RGS7: variants seen among roughly 807,000 people sequenced by gnomAD.
RGS7 encodes regulator of G-protein signaling 7.
RGS7 carries 27 observed loss-of-function variants against 81.1 expected under a neutral mutation model. The ratio of observed to expected loss-of-function variants is 0.33; its 90% CI spans 0.25 to 0.46. The LOEUF is 0.46. RGS7 is among the 20% of genes least tolerant of loss of function. RGS7 has a pLI of 1.00. For missense variants in RGS7, 396 were observed against 607.4 expected, an observed-to-expected ratio of 0.65 and a Z score of 3.66; for synonymous variants, 208 against 207.7, an observed-to-expected ratio of 1.00 and a Z score of -0.01.
intron 6 of RGS7, among the ~76,000 whole-genome samples, chr1:240,894,174 C>T (rs572826332): frequency 7.2e-5 from 11 of 152,240 alleles, no homozygotes; most frequent in South Asian, 2.1e-4. Context: ...AGATAGGCTA[C>T]GTATTTATTC....
At chr1:241,199,381 G>T (rs1055316441) in intron 2 of RGS7, among the ~76,000 whole-genome samples, 1 of 151,606 alleles carries the variant, frequency 6.6e-6, no homozygotes, top group East Asian at 1.9e-4. Flanking sequence ...CTGAGATTGC[G>T]CCACTGCACT....
intron 2 of RGS7, among the ~76,000 whole-genome samples, chr1:241,239,061 C>T (rs1417256096): frequency 2.0e-5 from 3 of 150,882 alleles, no homozygotes; most frequent in Middle Eastern, 3.4e-3. Context: ...CTCCGCCTCC[C>T]GGGTTCAAGC....
intron 10 of RGS7, among the ~76,000 whole-genome samples, chr1:240,821,279 C>A (rs1691750105): frequency 6.6e-6 from 1 of 152,030 alleles, no homozygotes. Context: ...ATGGTGAAAC[C>A]CCATCTCTAC....
chr1:241,329,280 A>AT (rs1325601995), intron 2 of RGS7, among the ~76,000 whole-genome samples: 1 of 152,204 alleles, frequency 6.6e-6, no homozygotes, highest in Non-Finnish European at 1.5e-5. Flanking sequence ...AATTTTGCAT[A>AT]TTTACTTTGA....
chr1:241,247,296 C>T (rs531301559), intron 2 of RGS7, among the ~76,000 whole-genome samples: 1 of 152,266 alleles, frequency 6.6e-6, no homozygotes, highest in East Asian at 1.9e-4. Flanking sequence ...TCCTCATTTA[C>T]ACATTGTGAA....
intron 2 of RGS7, among the ~76,000 whole-genome samples, chr1:241,333,084 G>C (rs1341445): frequency 0.99 from 151,230 of 152,370 alleles, 75,061 homozygotes; most frequent in East Asian, 1. Flanking sequence ...GGGTCTTTCA[G>C]GGACAGGAAA....
intron 2 of RGS7, among the ~76,000 whole-genome samples, chr1:241,259,447 T>C (rs1208072545): frequency 2.6e-5 from 4 of 150,946 alleles, no homozygotes; most frequent in African/African-American, 9.8e-5. Context: ...CTGAGATCGG[T>C]AGTTCGAGAC....
intron 6 of RGS7, among the ~76,000 whole-genome samples, chr1:240,879,558 T>C (rs1402855155): frequency 6.6e-6 from 1 of 152,246 alleles, no homozygotes; most frequent in African/African-American, 2.4e-5. Context: ...GGTATTTCTT[T>C]TGTTTTCTAC....
At chr1:240,869,998 G>A in intron 7 of RGS7, 57 bp downstream of exon 7, 3 of 1,344,458 alleles carry the variant, frequency 2.2e-6, no homozygotes, top group Non-Finnish European at 3.2e-6. Context: ...AAAAGGCTGT[G>A]GGCCTTACTG....
chr1:240,936,478 A>C, intron 5 of RGS7, 122 bp downstream of exon 5: 1 of 744,220 alleles, frequency 1.3e-6, no homozygotes, highest in East Asian at 2.6e-5. Flanking sequence ...TCAGTTTCTA[A>C]CTAGCCTAAG....
At chr1:241,194,023 T>C (rs192417885) in intron 2 of RGS7, among the ~76,000 whole-genome samples, 41 of 152,344 alleles carry the variant, frequency 2.7e-4, no homozygotes, top group Admixed American at 1.7e-3. Context: ...AAATTGTTGA[T>C]TTTCTGCTCT....
At chr1:240,925,115 T>C (rs1021216373) in intron 6 of RGS7, among the ~76,000 whole-genome samples, 8 of 152,158 alleles carry the variant, frequency 5.3e-5, no homozygotes, top group Non-Finnish European at 1.0e-4. Context: ...TTTCTTTTTT[T>C]CAATAATAAT....
intron 6 of RGS7, among the ~76,000 whole-genome samples, chr1:240,872,746 T>C (rs1319634407): frequency 2.0e-5 from 3 of 152,178 alleles, no homozygotes; most frequent in African/African-American, 7.2e-5. Context: ...TCCCAATTCA[T>C]TGAAGACTGA....
At chr1:241,015,968 T>C (rs1288918834) in intron 3 of RGS7, among the ~76,000 whole-genome samples, 2 of 152,206 alleles carry the variant, frequency 1.3e-5, no homozygotes, top group African/African-American at 4.8e-5. Flanking sequence ...ACAAATTCAC[T>C]TTAGTGTGTA....
chr1:240,993,654 T>G (rs559620398), intron 3 of RGS7, among the ~76,000 whole-genome samples: 64 of 152,242 alleles, frequency 4.2e-4, no homozygotes, highest in African/African-American at 1.4e-3. Flanking sequence ...CTCTGTACCT[T>G]GTTGTTCCAC....
chr1:241,187,325 T>C (rs913177830), intron 2 of RGS7, among the ~76,000 whole-genome samples: 10 of 152,164 alleles, frequency 6.6e-5, no homozygotes, highest in African/African-American at 2.2e-4. Context: ...TAGCTCTCCA[T>C]TTATAGATGA....
At chr1:240,859,367 T>C (rs990790671) in intron 9 of RGS7, among the ~76,000 whole-genome samples, 10 of 151,886 alleles carry the variant, frequency 6.6e-5, no homozygotes, top group African/African-American at 2.4e-4. Context: ...CTCATTAATA[T>C]ATATAGGCCC....
In RGS7 at chr1:240,827,040, A is replaced by C. The variant is rs1165315128; in HGVS notation, c.684+58T>G. ...TGAGAAGAAAGTGTTTTTATGGCTG[A>C]CGTCCTGTAAACAATGCAATCCATC... On this transcript the variant is annotated intron_variant, in intron 10 of 18. Transcript: ENST00000440928. The C allele has an allele frequency of 3.0e-6, 4 of 1,352,076 alleles. No individual in the cohort carries two copies. In the African/African-American group the frequency reaches 5.8e-5, roughly 19 times the overall value. The allele number at this position is 1,352,076 out of a possible 1,614,324, so 83.8% of individuals were successfully genotyped here.
chr1:240,817,713 T>C (rs1691064015), intron 10 of RGS7, among the ~76,000 whole-genome samples: 1 of 152,108 alleles, frequency 6.6e-6, no homozygotes, highest in African/African-American at 2.4e-5. Context: ...AGTGACTCTC[T>C]TGCCTCAGCC....
Sources: gnomAD v4.1 joint callset for allele counts (sites outside exome capture counted in the v4.1 genomes callset) on GRCh38, gnomAD v4.1.1 for gene constraint, MANE v1.5 for transcripts, NCBI Gene and HGNC (gene_info 2026-07-23, HGNC 2026-07-21) for gene names.